DSG4: variants seen among roughly 807,000 people sequenced by gnomAD.
DSG4 encodes desmoglein-4.
DSG4 carries 87 observed loss-of-function variants against 93.1 expected under a neutral mutation model. That is an observed-to-expected ratio of 0.93 (90% CI 0.79 to 1.12). The LOEUF (loss-of-function observed/expected upper bound fraction) is 1.12, where lower values mean the gene tolerates loss of function less well. DSG4 is among the 50% of genes most tolerant of loss of function. DSG4 has a pLI of 0.00. For missense variants in DSG4, 1,373 were observed against 1,285.7 expected, an observed-to-expected ratio of 1.07 and a Z score of -1.04; for synonymous variants, 432 against 452.9, an observed-to-expected ratio of 0.95 and a Z score of 0.59.
rs373510855 is a variant in DSG4, at chr18:31,413,268, T to G, written c.2796T>G (p.Asn932Lys). The change falls in exon 16 of 16, where the codon AAT (asparagine) becomes AAG (lysine). Residue 932 changes from asparagine (N) to lysine (K), a missense_variant. By Grantham distance (94) the Asn-to-Lys change is moderately conservative. Transcript: ENST00000308128. The part of the protein sequence containing the change: ...TIIFDPQLAP[N>K]VVVTEAVMAP... ...TTTTTGATCCTCAGCTTGCACCCAA[T>G]GTTGTAGTAACCGAAGCAGTAATGG... 7,308 of 1,614,168 alleles carry G rather than the reference T, an allele frequency of 4.5e-3. 313 individuals are homozygous for G. In the South Asian group the frequency reaches 0.076, roughly 17 times the overall value.
At chr18:31,387,510 A>G (rs369432897) in intron 3 of DSG4, among the ~76,000 whole-genome samples, 1 of 152,320 alleles carries the variant, frequency 6.6e-6, no homozygotes, top group African/African-American at 2.4e-5. Context: ...ATGTTTTCAA[A>G]TTGGAGGGAC....
At chr18:31,411,161 G>A (rs149485034) in intron 14 of DSG4, 70 bp from the exon 15 acceptor site, 4 of 1,614,100 alleles carry the variant, frequency 2.5e-6, no homozygotes, top group African/African-American at 1.3e-5. Flanking sequence ...AGACGGCGGC[G>A]GCAGCGTTTT....
intron 2 of DSG4, among the ~76,000 whole-genome samples, chr18:31,385,705 A>T (rs1197479482): frequency 6.6e-6 from 1 of 152,160 alleles, no homozygotes. Flanking sequence ...TGGAAAAAAT[A>T]AAGTTTTCTC....
intron 11 of DSG4, among the ~76,000 whole-genome samples, chr18:31,404,558 G>A (rs1477654803): frequency 2.0e-5 from 3 of 152,104 alleles, no homozygotes; most frequent in Non-Finnish European, 4.4e-5. Flanking sequence ...CAGAGCCCAG[G>A]GTGAGAGGAA....
intron 10 of DSG4, 146 bp from the exon 11 acceptor site, chr18:31,403,270 G>C: frequency 1.4e-6 from 1 of 698,846 alleles, no homozygotes; most frequent in Non-Finnish European, 2.6e-6. Context: ...GAGTGACTTT[G>C]GGTCACTGAA....
rs1450268390 is a variant in DSG4, at chr18:31,406,386, T to C, written c.1933+13T>C. On this transcript the variant is annotated intron_variant, in intron 12 of 15. Transcript: ENST00000308128. Reference sequence around the variant, plus strand: ...CTGCTACTGATTTGTAAGTACTCAATTAAATCCTTCTTTTCAATAGTTCTT... The same window carrying C: ...CTGCTACTGATTTGTAAGTACTCAACTAAATCCTTCTTTTCAATAGTTCTT... 1.9e-6 allele frequency: 3 copies of C among 1,613,950 alleles called. No homozygotes were observed. The highest frequency in any genetic ancestry group is 2.5e-6 in the Non-Finnish European group (3 of 1,180,036).
intron 2 of DSG4, among the ~76,000 whole-genome samples, chr18:31,386,325 T>C (rs2072186889): frequency 6.6e-6 from 1 of 152,136 alleles, no homozygotes; most frequent in South Asian, 2.1e-4. Flanking sequence ...CTGCAGTCTG[T>C]AAATTCTGGT....
At chr18:31,390,510 T>C (rs2072235768) in intron 5 of DSG4, 146 bp from the exon 6 acceptor site, 1 of 925,658 alleles carries the variant, frequency 1.1e-6, no homozygotes, top group Non-Finnish European at 1.7e-6. Context: ...CTGGTAGAGC[T>C]GAAAGTTATG....
chr18:31,395,481 C>T (rs979174371), intron 8 of DSG4, among the ~76,000 whole-genome samples: 2 of 152,102 alleles, frequency 1.3e-5, no homozygotes, highest in African/African-American at 2.4e-5. Flanking sequence ...GTTTGTATTA[C>T]TACCTAGCCA....
chr18:31,403,683 A>T, intron 11 of DSG4, 49 bp downstream of exon 11: 1 of 1,555,770 alleles, frequency 6.4e-7, no homozygotes. Context: ...CAAAAGCAAA[A>T]CAATTACCAA....
At chr18:31,400,636 A>C (rs2072354430) in intron 9 of DSG4, among the ~76,000 whole-genome samples, 1 of 152,242 alleles carries the variant, frequency 6.6e-6, no homozygotes, top group African/African-American at 2.4e-5. Flanking sequence ...CATACATTTT[A>C]TTAACAATTA....
intron 15 of DSG4, among the ~76,000 whole-genome samples, chr18:31,411,918 C>T (rs1598755741): frequency 6.6e-6 from 1 of 152,184 alleles, no homozygotes; most frequent in South Asian, 2.1e-4. Context: ...CACCACAACT[C>T]GTGCTAGATT....
chr18:31,404,698 G>A (rs1289575000), intron 11 of DSG4, among the ~76,000 whole-genome samples: 2 of 152,152 alleles, frequency 1.3e-5, no homozygotes, highest in African/African-American at 2.4e-5. Flanking sequence ...CAAACCTTTA[G>A]CTCTTTTCAA....
intron 8 of DSG4, among the ~76,000 whole-genome samples, chr18:31,394,181 A>T (rs2072279535): frequency 6.6e-6 from 1 of 152,220 alleles, no homozygotes; most frequent in Non-Finnish European, 1.5e-5. Context: ...ACTCTGTATG[A>T]TATGACCCCT....
At chr18:31,411,570 C>A in intron 15 of DSG4, 122 bp downstream of exon 15, 3 of 1,217,690 alleles carry the variant, frequency 2.5e-6, no homozygotes, top group Non-Finnish European at 3.5e-6. Flanking sequence ...TATCCCAAAC[C>A]TGAATAAAAA....
Position 31,399,328 on chromosome 18 carries a change from A to C in DSG4, c.1062A>C (p.Gln354His). 6.2e-7 allele frequency: 1 copy of C among 1,614,094 alleles called. No homozygotes were observed. Among genetic ancestry groups the C allele is most frequent in the South Asian group, 1.1e-5 (1 of 91,088 alleles). The change falls in exon 9 of 16, where the codon CAA (glutamine) becomes CAC (histidine). Residue 354 changes from glutamine to histidine, a missense_variant. Transcript: ENST00000308128. ...AGCTTAGTATCGGAGTTAAAAACCA[A>C]GCTGATTTTCACTACTCCGTTGCTT... ...NIQLSIGVKNQADFHYSVASQ... is the reference protein window; with the variant it reads ...NIQLSIGVKNHADFHYSVASQ...
At position 31,403,500 on chromosome 18, in the gene DSG4, G is replaced by A; in HGVS notation, c.1502G>A (p.Arg501Lys). Residue 501 changes from arginine to lysine, a missense_variant, in exon 11 of 16, where the codon AGA becomes AAA. Physicochemically the swap from Arg to Lys is conservative, Grantham distance 26 (BLOSUM62 2). Coordinates refer to ENST00000308128, the MANE Select transcript of DSG4 (RefSeq NM_177986.5). Reference sequence around the variant, plus strand: ...TATTGTCCAAACATTTTTCCTGAAAGAAGAACCATCTGCATTGACTCTCCA... The same window carrying A: ...TATTGTCCAAACATTTTTCCTGAAAAAAGAACCATCTGCATTGACTCTCCA... ...NDYCPNIFPE[R>K]RTICIDSPSV... 6.2e-7 allele frequency: 1 copy of A among 1,614,036 alleles called. No homozygotes were observed. The highest frequency in any genetic ancestry group is 8.5e-7 in the Non-Finnish European group (1 of 1,179,956).
chr18:31,378,724 C>T (rs980664566), intron 1 of DSG4, among the ~76,000 whole-genome samples: 6 of 152,104 alleles, frequency 3.9e-5, no homozygotes, highest in Admixed American at 6.6e-5. Context: ...CTAAAAGATC[C>T]CTTACCATAT....
Position 31,388,427 on chromosome 18 carries a change from G to A in DSG4, c.277G>A (p.Asp93Asn). 6.2e-7 allele frequency: 1 copy of A among 1,613,572 alleles called. No homozygotes were observed. The highest frequency in any genetic ancestry group is 8.5e-7 in the Non-Finnish European group (1 of 1,179,650). ...ATACCGGATTTCTGGAGTAGGGATTGATCGACCACCATATGGGGTATTCAC... is the reference window on the plus strand; with the variant it reads ...ATACCGGATTTCTGGAGTAGGGATTAATCGACCACCATATGGGGTATTCAC... ...ITYRISGVGIDRPPYGVFTIN... is the reference protein window; with the variant it reads ...ITYRISGVGINRPPYGVFTIN... The change falls in exon 4 of 16, where the codon GAT becomes AAT. Residue 93 changes from aspartate (D) to asparagine (N), a missense_variant. Asp to Asn is a conservative substitution (Grantham distance 23). Coordinates refer to ENST00000308128, the MANE Select transcript of DSG4 (RefSeq NM_177986.5).
Sources: gnomAD v4.1 joint callset for allele counts (sites outside exome capture counted in the v4.1 genomes callset) on GRCh38, gnomAD v4.1.1 for gene constraint, MANE v1.5 for transcripts, NCBI Gene and HGNC (gene_info 2026-07-23, HGNC 2026-07-21) for gene names.